The following PTTG1IP2 variants were observed in gnomAD, a reference collection of about 807,000 sequenced individuals.
The protein encoded by PTTG1IP2 is PTTG1IP family member 2.
intron 2 of PTTG1IP2, among the ~76,000 whole-genome samples, chr7:90,485,763 C>T (rs1797867433): frequency 6.6e-6 from 1 of 152,142 alleles, no homozygotes; most frequent in Non-Finnish European, 1.5e-5. Context: ...TTACTGGAAC[C>T]TGGGAATCAG....
rs570836660 is a variant in PTTG1IP2 at position 90,486,027 on chromosome 7, T to C, written c.193-1300T>C. On this transcript the variant is annotated intron_variant, in intron 2 of 6. Transcript: ENST00000509356. ...GGCTTCAATTTTAGATTTGACTGAA[T>C]GGCTTGATTTGACCGTTAATCTTGT... Among the ~76,000 whole-genome samples the C allele has an allele frequency of 2.6e-5, 4 of 152,320 alleles. No homozygotes were observed. The East Asian group carries it at 7.7e-4, about 29-fold the overall frequency.
intron 1 of PTTG1IP2, among the ~76,000 whole-genome samples, chr7:90,474,672 G>T (rs1245625396): frequency 1.3e-5 from 2 of 152,136 alleles, no homozygotes; most frequent in African/African-American, 2.4e-5. Context: ...TATTGGCCTG[G>T]AAGGGCAGGA....
chr7:90,486,486 G>C (rs17867222), intron 2 of PTTG1IP2, among the ~76,000 whole-genome samples: 2,453 of 50,452 alleles, frequency 0.049, 64 homozygotes, highest in African/African-American at 0.13. Flanking sequence ...TTTTTTTTTT[G>C]CTTTTCCAAG....
At chr7:90,497,981 G>T (rs1054769463) in intron 6 of PTTG1IP2, among the ~76,000 whole-genome samples, 2 of 151,704 alleles carry the variant, frequency 1.3e-5, no homozygotes, top group African/African-American at 4.8e-5. Context: ...ATATTTTGTT[G>T]AGTGCATGTA....
chr7:90,474,947 G>T (rs1047018999), intron 1 of PTTG1IP2, among the ~76,000 whole-genome samples: 1 of 152,216 alleles, frequency 6.6e-6, no homozygotes, highest in South Asian at 2.1e-4. Context: ...AAGCTGGCAA[G>T]TAGATTGGCT....
intron 6 of PTTG1IP2, among the ~76,000 whole-genome samples, chr7:90,512,857 A>G (rs2116142832): frequency 6.6e-6 from 1 of 152,332 alleles, no homozygotes; most frequent in South Asian, 2.1e-4. Context: ...TTCTTAGCAG[A>G]TGAAAAGTTG....
intron 2 of PTTG1IP2, among the ~76,000 whole-genome samples, chr7:90,485,338 C>A (rs1797861848): frequency 6.6e-6 from 1 of 152,028 alleles, no homozygotes. Flanking sequence ...TTGGACTTAC[C>A]CAAGGTCACT....
At chr7:90,469,972 C>T (rs1416020836) in intron 1 of PTTG1IP2, 41 bp downstream of exon 1, 1 of 152,566 alleles carries the variant, frequency 6.6e-6, no homozygotes, top group Non-Finnish European at 1.5e-5. Context: ...CCCACATGCT[C>T]CAGCGTTTTT....
At chr7:90,476,293 A>C (rs1204581345) in intron 1 of PTTG1IP2, among the ~76,000 whole-genome samples, 3 of 152,232 alleles carry the variant, frequency 2.0e-5, no homozygotes, top group Admixed American at 2.0e-4. Context: ...AGTAATTAAA[A>C]TTCCATCTGA....
At chr7:90,490,263 C>T (rs1233680770) in intron 4 of PTTG1IP2, among the ~76,000 whole-genome samples, 2 of 151,872 alleles carry the variant, frequency 1.3e-5, no homozygotes, top group African/African-American at 4.8e-5. Flanking sequence ...GTTTTTTCTC[C>T]TTCATCCCAG....
At chr7:90,496,548 G>A (rs1204880768) in intron 6 of PTTG1IP2, among the ~76,000 whole-genome samples, 3 of 151,742 alleles carry the variant, frequency 2.0e-5, no homozygotes, top group Admixed American at 6.6e-5. Context: ...TATCTAAAGG[G>A]CTGACCATTT....
intron 6 of PTTG1IP2, among the ~76,000 whole-genome samples, chr7:90,504,757 G>A (rs1220720638): frequency 6.6e-6 from 1 of 152,120 alleles, no homozygotes; most frequent in African/African-American, 2.4e-5. Flanking sequence ...AAGATATAAA[G>A]GGAAAGCTGG....
intron 6 of PTTG1IP2, among the ~76,000 whole-genome samples, chr7:90,506,687 AGCTGGAGAGATGAAG>A (rs1174959746): frequency 1.4e-4 from 21 of 152,280 alleles, no homozygotes; most frequent in South Asian, 8.3e-4. Flanking sequence ...GGATGGCTTG[AGCTGGAGAGATGAAG>A]GCTGCAGCAA....
chr7:90,486,441 A>G (rs1398194891), intron 2 of PTTG1IP2, among the ~76,000 whole-genome samples: 1 of 150,484 alleles, frequency 6.6e-6, no homozygotes, highest in East Asian at 2.0e-4. Flanking sequence ...TATGTAAGTG[A>G]CAGCCATTTT....
chr7:90,506,260 A>G (rs1021562705), intron 6 of PTTG1IP2, among the ~76,000 whole-genome samples: 2 of 152,046 alleles, frequency 1.3e-5, no homozygotes, highest in African/African-American at 2.4e-5. Flanking sequence ...CTGAAAACCA[A>G]TACAATTTTT....
At chr7:90,472,612 G>A (rs1797704861) in intron 1 of PTTG1IP2, among the ~76,000 whole-genome samples, 1 of 152,238 alleles carries the variant, frequency 6.6e-6, no homozygotes, top group Non-Finnish European at 1.5e-5. Context: ...CTTACTTATT[G>A]TGGTGGGCTC....
intron 2 of PTTG1IP2, among the ~76,000 whole-genome samples, chr7:90,483,904 C>CCT (rs1397779842): frequency 2.0e-5 from 3 of 152,178 alleles, no homozygotes; most frequent in African/African-American, 7.2e-5. Flanking sequence ...CACTCTTGTG[C>CCT]CACATCTTTC....
intron 1 of PTTG1IP2, among the ~76,000 whole-genome samples, chr7:90,472,525 C>A (rs1199947319): frequency 6.6e-6 from 1 of 152,198 alleles, no homozygotes; most frequent in African/African-American, 2.4e-5. Context: ...TAAGGCAAGG[C>A]TTCCGAGTTT....
intron 1 of PTTG1IP2, among the ~76,000 whole-genome samples, chr7:90,478,165 C>A (rs1000703082): frequency 7.3e-4 from 111 of 151,624 alleles, no homozygotes; most frequent in Middle Eastern, 3.5e-3. Context: ...CAGGAACTCC[C>A]TGTAGAATCT....
Sources: allele counts gnomAD v4.1 joint callset (sites outside exome capture counted in the v4.1 genomes callset), GRCh38; gene constraint gnomAD v4.1.1; transcripts MANE v1.5; gene names NCBI Gene and HGNC (gene_info 2026-07-23, HGNC 2026-07-21).